Variants in SUPT5H observed in about 807,000 individuals in gnomAD.
SUPT5H encodes SPT5 homolog, DSIF elongation factor subunit, also known as transcription elongation factor SPT5.
A neutral mutation model predicts 142.5 loss-of-function variants in SUPT5H; 24 were observed. The ratio of observed to expected loss-of-function variants is 0.17; its 90% CI spans 0.12 to 0.24. SUPT5H has a LOEUF of 0.24. SUPT5H is among the 10% of genes least tolerant of loss of function. The pLI, the probability that SUPT5H is intolerant of heterozygous loss-of-function variation, is 1.00. For missense variants in SUPT5H, 893 were observed against 1,471.8 expected, an observed-to-expected ratio of 0.61 and a Z score of 6.43; for synonymous variants, 546 against 553.0, an observed-to-expected ratio of 0.99 and a Z score of 0.18.
In SUPT5H at chr19:39,476,625, T is replaced by C. The variant is rs554099606; in HGVS notation, c.*226T>C. On this transcript the variant is annotated 3_prime_UTR_variant, in exon 30 of 30. Coordinates refer to ENST00000432763, the MANE Select transcript of SUPT5H (RefSeq NM_001111020.3). ...CCTGTACCTCCTCCCCACAGCTTGC[T>C]TTTGTTGTACCGTCTTTCAATAAAA... 7.4e-4 allele frequency: 436 copies of C among 589,396 alleles called. 2 individuals carry two copies. Among genetic ancestry groups the C allele is most frequent in the Non-Finnish European group, 5.3e-4 (177 of 337,062 alleles). The allele number at this position is 589,396 out of a possible 1,614,324, so 36.5% of individuals were successfully genotyped here.
intron 10 of SUPT5H, among the ~76,000 whole-genome samples, chr19:39,463,528 G>A (rs924195052): frequency 2.0e-5 from 3 of 152,194 alleles, no homozygotes; most frequent in Admixed American, 6.5e-5. Context: ...CTAACCTGTG[G>A]TTTATTCTGG....
rs979345393 is a variant in SUPT5H, at chr19:39,472,835, A to C, written c.2061A>C (p.Pro687=). ...GTCAGCGTGGCGGCTTTGGTAGCCCAGGTGGCGGCAGTGGTGGCATGAGCA... is the reference window on the plus strand; with the variant it reads ...GTCAGCGTGGCGGCTTTGGTAGCCCCGGTGGCGGCAGTGGTGGCATGAGCA... ...AGGQRGGFGS[P]GGGSGGMSRG... The change falls in exon 22 of 30, where the codon CCA becomes CCC. Residue 687 remains proline (P), a synonymous_variant. Transcript: ENST00000432763. The surrounding 1 kb of genome is among the most constrained non-coding windows in gnomAD (Gnocchi z 4.2). 1 of 1,613,496 alleles carries C rather than the reference A, an allele frequency of 6.2e-7. No homozygotes were observed. Among genetic ancestry groups the C allele is most frequent in the African/African-American group, 1.3e-5 (1 of 75,050 alleles).
rs775028339 is a variant in SUPT5H at position 39,459,565 on chromosome 19, C to G, written c.531C>G (p.Pro177=). The G allele has an allele frequency of 6.2e-7, 1 of 1,613,906 alleles. No individual in the cohort carries two copies. The change falls in exon 9 of 30, where the codon CCC becomes CCG. Residue 177 remains proline, a synonymous_variant. Coordinates refer to ENST00000432763, the MANE Select transcript of SUPT5H (RefSeq NM_001111020.3). ...CTTTTCCTCTGCTGCTTAGGGATCC[C>G]AATCTGTGGACTGTCAAATGTAAGG... The part of the protein sequence containing the change: ...QQQLLPGVKD[P]NLWTVKCKIG...
Position 39,470,789 on chromosome 19 carries a change from G to C in SUPT5H, c.1677+266G>C, listed in dbSNP as rs1016070564. ...TCCCTGAGGTTAGATCTGTACCCTG[G>C]TGGCTGTTGCTCGCTCAAGGATGGA... On this transcript the variant is annotated intron_variant, in intron 18 of 29. Transcript: ENST00000432763. This position sits in a 1 kb window ranked among gnomAD's most constrained non-coding sequence, Gnocchi z 5.8. Among the ~76,000 whole-genome samples, 2 of 152,168 alleles carry C rather than the reference G, an allele frequency of 1.3e-5. No homozygotes were observed. The highest frequency in any genetic ancestry group is 4.8e-5 in the African/African-American group (2 of 41,426).
Position 39,466,710 on chromosome 19 carries a change from G to T in SUPT5H, c.1002G>T (p.Arg334=). The change falls in exon 13 of 30, where the codon CGG becomes CGT. Residue 334 remains arginine, a synonymous_variant. Coordinates refer to ENST00000432763, the MANE Select transcript of SUPT5H (RefSeq NM_001111020.3). The surrounding 1 kb of genome is among the most constrained non-coding windows in gnomAD (Gnocchi z 4.3). ...DWFAKRKKFK[R]PPQRLFDAEK... Reference sequence around the variant, plus strand: ...TTGCCAAAAGGAAGAAGTTTAAGCGGCCTCCACAGAGGCTGTTTGATGCTG... The same window carrying T: ...TTGCCAAAAGGAAGAAGTTTAAGCGTCCTCCACAGAGGCTGTTTGATGCTG... The T allele has an allele frequency of 6.2e-7, 1 of 1,614,210 alleles. No individual in the cohort carries two copies. The highest frequency in any genetic ancestry group is 8.5e-7 in the Non-Finnish European group (1 of 1,180,044).
Position 39,472,002 on chromosome 19 carries a change from T to A in SUPT5H, c.1950+272T>A, listed in dbSNP as rs1195746191. Reference sequence around the variant, plus strand: ...TGAACAAGACAAAAATACTCTGCTCTCACAGAGCTGATACTCTAGAGGTGG... The same window carrying A: ...TGAACAAGACAAAAATACTCTGCTCACACAGAGCTGATACTCTAGAGGTGG... On this transcript the variant is annotated intron_variant, in intron 20 of 29. Transcript: ENST00000432763. This position sits in a 1 kb window ranked among gnomAD's most constrained non-coding sequence, Gnocchi z 4.2. The A allele has an allele frequency of 1.9e-6, 1 of 521,628 alleles. No homozygotes were observed. Among genetic ancestry groups the A allele is most frequent in the Non-Finnish European group, 3.4e-6 (1 of 297,510 alleles). 32.3% of individuals were successfully genotyped at this position (521,628 alleles called of 1,614,324 possible).
chr19:39,470,296 G>A lies in SUPT5H; in HGVS notation c.1530+22G>A, dbSNP rs765574359. 3.9e-6 allele frequency: 6 copies of A among 1,553,736 alleles called. No individual in the cohort carries two copies. Among genetic ancestry groups the A allele is most frequent in the Non-Finnish European group, 4.4e-6 (5 of 1,143,670 alleles). On this transcript the variant is annotated intron_variant, in intron 17 of 29. Transcript: ENST00000432763. This position sits in a 1 kb window ranked among gnomAD's most constrained non-coding sequence, Gnocchi z 5.8. ...TGAGGTAGGTGGATAGAAGGGTCGGGGAAGGGTGCACGTGCCAAGAGGAGA... is the reference window on the plus strand; with the variant it reads ...TGAGGTAGGTGGATAGAAGGGTCGGAGAAGGGTGCACGTGCCAAGAGGAGA...
chr19:39,445,768 C>G, intron 1 of SUPT5H, 36 bp from the exon 2 acceptor site: 4 of 1,176,460 alleles, frequency 3.4e-6, no homozygotes, highest in Non-Finnish European at 4.9e-6. Flanking sequence ...CAAAACGAGC[C>G]TGCCGGAAGC....
At position 39,466,424 on chromosome 19, in the gene SUPT5H, G is replaced by T; in HGVS notation, c.877-56G>T. 6.6e-7 allele frequency: 1 copy of T among 1,506,422 alleles called. No homozygotes were observed. The highest frequency in any genetic ancestry group is 1.1e-5 in the South Asian group (1 of 88,654). The allele number at this position is 1,506,422 out of a possible 1,614,324, so 93.3% of individuals were successfully genotyped here. On this transcript the variant is annotated intron_variant, in intron 11 of 29. Coordinates refer to ENST00000432763, the MANE Select transcript of SUPT5H (RefSeq NM_001111020.3). The surrounding 1 kb of genome is among the most constrained non-coding windows in gnomAD (Gnocchi z 4.3). ...CCTAGCATCTCCTGACCCTTCTTGT[G>T]TCTGGGGTCAGGGAGGAGAGTGGGG...
intron 2 of SUPT5H, among the ~76,000 whole-genome samples, chr19:39,452,423 G>A (rs374171729): frequency 9.5e-4 from 145 of 152,300 alleles, no homozygotes; most frequent in African/African-American, 3.2e-3. Flanking sequence ...TGTCAGATTT[G>A]AAGGGGTTAA....
chr19:39,457,539 C>T, intron 3 of SUPT5H, 136 bp from the exon 4 acceptor site: 3 of 1,471,704 alleles, frequency 2.0e-6, no homozygotes, highest in Non-Finnish European at 2.7e-6. Context: ...AGACGAGTGC[C>T]TCCCTGTTGG....
Position 39,474,299 on chromosome 19 carries a change from C to G in SUPT5H, c.2717C>G (p.Pro906Arg). ...PSPQGSYQPS[P>R]SPQSYHQVAP... The stretch of plus-strand genomic sequence containing the variant: ...CCACAAGGTTCCTACCAGCCCAGCC[C>G]CAGCCCCCAGAGCTACCACCAGGTG... Residue 906 changes from proline (P) to arginine (R), a missense_variant, in exon 27 of 30, where the codon CCC becomes CGC. By Grantham distance (103) the Pro-to-Arg change is moderately radical (BLOSUM62 -2). This residue lies in a region of SUPT5H where 336 missense variants were observed against 546.5 expected (regional missense o/e 0.61). Transcript: ENST00000432763. This position sits in a 1 kb window ranked among gnomAD's most constrained non-coding sequence, Gnocchi z 6.5. 6.2e-7 allele frequency: 1 copy of G among 1,614,096 alleles called. No individual in the cohort carries two copies. Among genetic ancestry groups the G allele is most frequent in the Non-Finnish European group, 8.5e-7 (1 of 1,179,978 alleles).
intron 2 of SUPT5H, among the ~76,000 whole-genome samples, chr19:39,448,815 G>T (rs1220732150): frequency 2.6e-5 from 4 of 152,124 alleles, no homozygotes; most frequent in African/African-American, 7.2e-5. Flanking sequence ...AAATGTTCTG[G>T]CTGGGTGTGG....
In SUPT5H at chr19:39,473,770, C is replaced by G. The variant is rs1274394394; in HGVS notation, c.2493-193C>G. Among the ~76,000 whole-genome samples, 2 of 152,102 alleles carry G rather than the reference C, an allele frequency of 1.3e-5. No individual in the cohort carries two copies. Among genetic ancestry groups the G allele is most frequent in the Admixed American group, 1.3e-4 (2 of 15,280 alleles). On this transcript the variant is annotated intron_variant, in intron 25 of 29. Transcript: ENST00000432763. This position sits in a 1 kb window ranked among gnomAD's most constrained non-coding sequence, Gnocchi z 5.8. ...GAGAAAGACTGCCTGGGTGGAGTGACCTTGGGAGGGCACCCTCATCTCTGT... is the reference window on the plus strand; with the variant it reads ...GAGAAAGACTGCCTGGGTGGAGTGAGCTTGGGAGGGCACCCTCATCTCTGT...
intron 3 of SUPT5H, 22 bp downstream of exon 3, chr19:39,453,543 G>A: frequency 6.7e-7 from 1 of 1,484,282 alleles, no homozygotes; most frequent in South Asian, 1.3e-5. Flanking sequence ...TGCTTGGCCA[G>A]TGCCGAGCAG....
Position 39,458,498 on chromosome 19 carries a change from C to T in SUPT5H, c.319+193C>T, listed in dbSNP as rs1232018410. On this transcript the variant is annotated intron_variant, in intron 5 of 29. Transcript: ENST00000432763. This position sits in a 1 kb window ranked among gnomAD's most constrained non-coding sequence, Gnocchi z 4.2. ...CCCCAGTTGTTGACCTGGGAAAGCA[C>T]GGATGTGTCTGTCTGGGACTGAGCA... is the stretch of plus-strand genomic sequence containing the variant. The T allele has an allele frequency of 1.0e-5, 11 of 1,050,264 alleles. No individual in the cohort carries two copies. Among genetic ancestry groups the T allele is most frequent in the South Asian group, 4.6e-5 (3 of 64,964 alleles). The allele number at this position is 1,050,264 out of a possible 1,614,324, so 65.1% of individuals were successfully genotyped here.
chr19:39,474,249 G>A lies in SUPT5H; in HGVS notation c.2667G>A (p.Gln889=), dbSNP rs777499312. ...PGTPAMYNTD[Q]FSPYAAPSPQ... is the part of the protein sequence containing the mutation. ...GTCTCTGCAGGTACAACACAGACCA[G>A]TTCTCTCCCTATGCTGCCCCCTCCC... Residue 889 remains glutamine (Q), a synonymous_variant, in exon 27 of 30, where the codon CAG becomes CAA. Transcript: ENST00000432763. This position sits in a 1 kb window ranked among gnomAD's most constrained non-coding sequence, Gnocchi z 6.5. The A allele has an allele frequency of 2.5e-6, 4 of 1,613,972 alleles. No individual in the cohort carries two copies. Among genetic ancestry groups the A allele is most frequent in the East Asian group, 4.5e-5 (2 of 44,870 alleles).
At position 39,445,835 on chromosome 19, in the gene SUPT5H, G is replaced by C; in HGVS notation, c.-56G>C. 1.3e-6 allele frequency: 2 copies of C among 1,591,724 alleles called. No individual in the cohort carries two copies. The highest frequency in any genetic ancestry group is 1.7e-6 in the Non-Finnish European group (2 of 1,167,254). On this transcript the variant is annotated 5_prime_UTR_variant, in exon 2 of 30. Transcript: ENST00000432763. Reference sequence around the variant, plus strand: ...AGCGGGGAAACTGAGGCTCGGGGTGGAGCGCAGGATTGTGGGACGCGCCAA... The same window carrying C: ...AGCGGGGAAACTGAGGCTCGGGGTGCAGCGCAGGATTGTGGGACGCGCCAA...
rs2079293265 is a variant in SUPT5H, at chr19:39,469,750, ATG to A, written c.1374+354_1374+355del. 2 of 482,252 alleles carry A rather than the reference ATG, an allele frequency of 4.1e-6. No homozygotes were observed. The highest frequency in any genetic ancestry group is 4.4e-5 in the South Asian group (2 of 45,028). The allele number at this position is 482,252 out of a possible 1,614,324, so 29.9% of individuals were successfully genotyped here. On this transcript the variant is annotated intron_variant, in intron 16 of 29. Transcript: ENST00000432763. This position sits in a 1 kb window ranked among gnomAD's most constrained non-coding sequence, Gnocchi z 5.1. Reference sequence around the variant, plus strand: ...GTGTGTGTTTGTCTGTGTCTGGTGTATGTCTGAGGGGTTGTGCAGGCCCAGTG... The same window carrying A: ...GTGTGTGTTTGTCTGTGTCTGGTGTATCTGAGGGGTTGTGCAGGCCCAGTG...
Sources: gnomAD v4.1 joint callset for allele counts (sites outside exome capture counted in the v4.1 genomes callset) on GRCh38, gnomAD v4.1.1 for gene constraint, gnomAD v4.1.1 regional missense constraint, Gnocchi (gnomAD v3.1) non-coding constraint, MANE v1.5 for transcripts, NCBI Gene and HGNC (gene_info 2026-07-23, HGNC 2026-07-21) for gene names.